ABHD12: variants seen among roughly 807,000 people sequenced by gnomAD.
ABHD12 encodes the protein lysophosphatidylserine lipase ABHD12.
ABHD12 carries 43 observed loss-of-function variants against 58.3 expected under a neutral mutation model. That is an observed-to-expected ratio of 0.74 (90% CI 0.58 to 0.95). The LOEUF (loss-of-function observed/expected upper bound fraction) is 0.95. Ranked by LOEUF, ABHD12 falls within the 40% of genes least tolerant of loss-of-function variation. ABHD12 has a pLI of 0.00. For synonymous variants in ABHD12, 219 were observed against 211.2 expected (o/e 1.04, Z -0.32); for missense variants, 539 against 537.2 (o/e 1.00, Z -0.03).
intron 1 of ABHD12, among the ~76,000 whole-genome samples, chr20:25,359,204 G>A (rs1285132127): frequency 6.6e-6 from 1 of 151,192 alleles, no homozygotes; most frequent in African/African-American, 2.4e-5. Flanking sequence ...GGTGGATCAC[G>A]AGGTCAGGAG....
chr20:25,310,806 TGA>T lies in ABHD12; in HGVS notation c.620-1233_620-1232del, dbSNP rs1187981658. 4.0e-5 allele frequency among the ~76,000 whole-genome samples: 6 copies of T among 151,516 alleles called. No individual in the cohort carries two copies. In the East Asian group the frequency reaches 5.8e-4, roughly 15 times the overall value. ...GATGCGGACAAAGAGGCAGATGCAG[TGA>T]GAGAGACAGAGGGACAGTCGGAGAT... On this transcript the variant is annotated intron_variant, in intron 6 of 12. Transcript: ENST00000339157.
Position 25,390,540 on chromosome 20 carries a change from T to TC in ABHD12, c.163dup (p.Asp55GlyfsTer59). 1 of 1,387,158 alleles carries TC rather than the reference T, an allele frequency of 7.2e-7. No homozygotes were observed. The highest frequency in any genetic ancestry group is 9.3e-7 in the Non-Finnish European group (1 of 1,074,748). 85.9% of individuals were successfully genotyped at this position (1,387,158 alleles called of 1,614,324 possible). ...GCCCAGCGCCCGCTTCATTCCCGCG[T>TC]CGGCTGCGCAGCGCGGCTCAGCCGC... On this transcript the variant is annotated frameshift_variant, in exon 1 of 13. Coordinates refer to ENST00000339157, the MANE Select transcript of ABHD12 (RefSeq NM_001042472.3). LOFTEE classifies it high-confidence loss of function.
intron 1 of ABHD12, among the ~76,000 whole-genome samples, chr20:25,386,379 C>A (rs1265231375): frequency 6.6e-6 from 1 of 150,640 alleles, no homozygotes; most frequent in Non-Finnish European, 1.5e-5. Flanking sequence ...CTACCTCAGC[C>A]TCCTGAGTAG....
chr20:25,370,177 TCA>T (rs1362531159), intron 1 of ABHD12, among the ~76,000 whole-genome samples: 2 of 151,840 alleles, frequency 1.3e-5, no homozygotes, highest in Non-Finnish European at 1.5e-5. Flanking sequence ...TCCCCTTGAG[TCA>T]CAGTGATGCA....
chr20:25,325,204 A>T (rs375346564), intron 2 of ABHD12, among the ~76,000 whole-genome samples: 2,327 of 9,508 alleles, frequency 0.24, 63 homozygotes, highest in African/African-American at 0.42. Context: ...ACCCTGTTTC[A>T]AAAAAAAAAA....
At chr20:25,382,416 G>C (rs987911034) in intron 1 of ABHD12, among the ~76,000 whole-genome samples, 4 of 152,130 alleles carry the variant, frequency 2.6e-5, no homozygotes, top group Non-Finnish European at 5.9e-5. Flanking sequence ...CCAAAGTCCT[G>C]TGGCGTCATC....
chr20:25,322,605 G>A (rs1273892431), intron 3 of ABHD12, among the ~76,000 whole-genome samples: 1 of 150,866 alleles, frequency 6.6e-6, no homozygotes, highest in Non-Finnish European at 1.5e-5. Context: ...GGGTGGTCTC[G>A]AACTCCTGAT....
chr20:25,336,069 C>T (rs533255030), intron 2 of ABHD12, among the ~76,000 whole-genome samples: 2 of 152,198 alleles, frequency 1.3e-5, no homozygotes, highest in East Asian at 3.9e-4. Context: ...CTAAGAGATA[C>T]CTTCTTGATC....
chr20:25,303,663 G>C (rs766582776), intron 10 of ABHD12, 35 bp from the exon 11 acceptor site: 1 of 1,612,130 alleles, frequency 6.2e-7, no homozygotes, highest in Non-Finnish European at 8.5e-7. Flanking sequence ...CCAAGACCAG[G>C]GAAAGGGCAG....
intron 1 of ABHD12, among the ~76,000 whole-genome samples, chr20:25,367,250 TA>T (rs1467097121): frequency 2.0e-5 from 3 of 152,114 alleles, no homozygotes; most frequent in Non-Finnish European, 4.4e-5. Flanking sequence ...ATGTAGTCAT[TA>T]AAAAACAAAG....
chr20:25,361,404 G>GA (rs2089745614), intron 1 of ABHD12, among the ~76,000 whole-genome samples: 1 of 150,950 alleles, frequency 6.6e-6, no homozygotes, highest in Non-Finnish European at 1.5e-5. Flanking sequence ...CGTGTTTTTT[G>GA]TTTTTTTTTG....
At chr20:25,303,070 G>T (rs1429865942) in intron 11 of ABHD12, among the ~76,000 whole-genome samples, 1 of 152,324 alleles carries the variant, frequency 6.6e-6, no homozygotes, top group Non-Finnish European at 1.5e-5. Context: ...TCTGGTTCTG[G>T]TATCAGCGCA....
intron 5 of ABHD12, among the ~76,000 whole-genome samples, chr20:25,315,446 T>A (rs761655067): frequency 4.6e-5 from 7 of 152,126 alleles, no homozygotes; most frequent in African/African-American, 1.7e-4. Context: ...TATTTTTTTT[T>A]AATCCCTACA....
intron 3 of ABHD12, among the ~76,000 whole-genome samples, chr20:25,322,382 T>TATATATATATATATATATA (rs1491359839): frequency 1.0e-4 from 4 of 38,260 alleles, no homozygotes; most frequent in African/African-American, 2.8e-4. Flanking sequence ...TATATATATA[T>TATATATATATATATATATA]TTTTTTTTTT....
rs2089021352 is a variant in ABHD12 at position 25,319,250 on chromosome 20, C to T, written c.542+949G>A. Among the ~76,000 whole-genome samples the T allele has an allele frequency of 3.9e-5, 6 of 152,234 alleles. No homozygotes were observed. The South Asian group carries it at 1.2e-3, about 31-fold the overall frequency. On this transcript the variant is annotated intron_variant, in intron 4 of 12. Transcript: ENST00000339157. ...CAGAGGCTCTTCTGAACAGCAATCA[C>T]ATGGTGTGGAAGGAGCACCCTTTTA... is the stretch of plus-strand genomic sequence containing the variant.
intron 9 of ABHD12, among the ~76,000 whole-genome samples, chr20:25,307,643 G>A (rs1190430028): frequency 2.6e-5 from 4 of 152,222 alleles, no homozygotes; most frequent in Non-Finnish European, 4.4e-5. Flanking sequence ...TACACAGAGA[G>A]GGGGGCACCC....
At chr20:25,388,186 G>A (rs186403410) in intron 1 of ABHD12, among the ~76,000 whole-genome samples, 90 of 151,628 alleles carry the variant, frequency 5.9e-4, no homozygotes, top group African/African-American at 2.0e-3. Flanking sequence ...CTACTTCCAC[G>A]TATGTCGACA....
At chr20:25,348,083 G>A (rs763181665) in intron 1 of ABHD12, among the ~76,000 whole-genome samples, 4 of 151,892 alleles carry the variant, frequency 2.6e-5, no homozygotes, top group African/African-American at 9.7e-5. Flanking sequence ...GGTGGCACAC[G>A]CCTGTAGTCC....
intron 2 of ABHD12, among the ~76,000 whole-genome samples, chr20:25,331,601 G>A (rs1242114102): frequency 6.6e-6 from 1 of 152,104 alleles, no homozygotes; most frequent in Non-Finnish European, 1.5e-5. Context: ...ACTAAAAGCA[G>A]ACCTCTCGGC....
Sources: gnomAD v4.1 joint callset for allele counts (sites outside exome capture counted in the v4.1 genomes callset) on GRCh38, gnomAD v4.1.1 for gene constraint, MANE v1.5 for transcripts, NCBI Gene and HGNC (gene_info 2026-07-23, HGNC 2026-07-21) for gene names.